COPS7A: variants seen among roughly 807,000 people sequenced by gnomAD.
The protein encoded by COPS7A is COP9 signalosome complex subunit 7a.
A neutral mutation model predicts 35.2 loss-of-function variants in COPS7A; 20 were observed. The ratio of observed to expected loss-of-function variants is 0.57; its 90% CI spans 0.40 to 0.83. The LOEUF is 0.83. Among genes scored for constraint, COPS7A ranks in the 40% least tolerant of loss-of-function variants. The pLI is 0.00. For missense variants in COPS7A, 247 were observed against 347.5 expected, an observed-to-expected ratio of 0.71 and a Z score of 2.30; for synonymous variants, 139 against 141.4, an observed-to-expected ratio of 0.98 and a Z score of 0.12.
In COPS7A at chr12:6,724,133, C is replaced by A. The variant is rs1017308825; in HGVS notation, c.-90C>A. The A allele has an allele frequency of 8.2e-6, 2 of 245,104 alleles. No homozygotes were observed. The highest frequency in any genetic ancestry group is 1.7e-5 in the Non-Finnish European group (2 of 120,810). The allele number at this position is 245,104 out of a possible 1,614,324, so 15.2% of individuals were successfully genotyped here. A position where few individuals can be genotyped will look rare whatever the true frequency, so the allele number is the denominator to read the frequency against. On this transcript the variant is annotated 5_prime_UTR_variant, in exon 1 of 8. It adds an upstream start codon to the 5' untranslated region. Coordinates refer to ENST00000543155, the MANE Select transcript of COPS7A (RefSeq NM_001164094.2). Reference sequence around the variant, plus strand: ...CGGAGCGGCGGCCCCGCCCGGTGCGCTGGAGGTCGAAGCTTCCAGGTAGCG... The same window carrying A: ...CGGAGCGGCGGCCCCGCCCGGTGCGATGGAGGTCGAAGCTTCCAGGTAGCG...
chr12:6,724,913 AT>A, intron 2 of COPS7A, 95 bp downstream of exon 2: 1 of 1,322,274 alleles, frequency 7.6e-7, no homozygotes, highest in East Asian at 2.3e-5. Flanking sequence ...TCCAATAACC[AT>A]TCAGTTGAAC....
In COPS7A at chr12:6,728,274, G is replaced by T. The variant is rs764220895; in HGVS notation, c.290G>T (p.Arg97Leu). The T allele has an allele frequency of 6.2e-7, 1 of 1,614,062 alleles. No homozygotes were observed. The highest frequency in any genetic ancestry group is 1.1e-5 in the South Asian group (1 of 91,052). ...ACAGAGGCTCAGAAGAATAAGCTTC[G>T]ACACCTCTCAGTTGTCACCCTGGCT... is the stretch of plus-strand genomic sequence containing the variant. ...PLTEAQKNKLRHLSVVTLAAK... is the reference protein window; with the variant it reads ...PLTEAQKNKLLHLSVVTLAAK... The change falls in exon 4 of 8, where the codon CGA (arginine) becomes CTA (leucine). Residue 97 changes from arginine (R) to leucine (L), a missense_variant. Transcript: ENST00000543155.
Position 6,729,481 on chromosome 12 carries a change from T to C in COPS7A, c.530+32T>C. 1 of 1,603,590 alleles carries C rather than the reference T, an allele frequency of 6.2e-7. No homozygotes were observed. ...ACCGTATCCTGGCACTGTCCCCTTC[T>C]CACCCTGAGAAAGAGAAAGGCGCTT... is the stretch of plus-strand genomic sequence containing the variant. On this transcript the variant is annotated intron_variant, in intron 5 of 7. Coordinates refer to ENST00000543155, the MANE Select transcript of COPS7A (RefSeq NM_001164094.2). The surrounding 1 kb of genome is among the most constrained non-coding windows in gnomAD (Gnocchi z 4.2).
intron 6 of COPS7A, 26 bp downstream of exon 6, chr12:6,730,533 C>G: frequency 1.9e-6 from 3 of 1,612,834 alleles, no homozygotes; most frequent in Non-Finnish European, 2.5e-6. Flanking sequence ...AGCAGGCAGA[C>G]CCAAACTCCT....
At position 6,730,742 on chromosome 12, in the gene COPS7A, A is replaced by G; in HGVS notation, c.710A>G (p.Gln237Arg). The G allele has an allele frequency of 1.9e-6, 3 of 1,614,188 alleles. No homozygotes were observed. Among genetic ancestry groups the G allele is most frequent in the Non-Finnish European group, 2.5e-6 (3 of 1,180,018 alleles). The change falls in exon 7 of 8, where the codon CAA becomes CGA. Residue 237 changes from glutamine (Q) to arginine (R), a missense_variant. By Grantham distance (43) the Gln-to-Arg change is conservative (BLOSUM62 1). Transcript: ENST00000543155. ...AAAATSQDPE[Q>R]HLTELREPAP... Reference sequence around the variant, plus strand: ...GCAGCCACATCTCAGGACCCTGAGCAACACCTGACTGAGCTGAGGGAACCA... The same window carrying G: ...GCAGCCACATCTCAGGACCCTGAGCGACACCTGACTGAGCTGAGGGAACCA...
intron 2 of COPS7A, among the ~76,000 whole-genome samples, chr12:6,725,119 T>A (rs1229681637): frequency 6.6e-6 from 1 of 152,046 alleles, no homozygotes; most frequent in Non-Finnish European, 1.5e-5. Context: ...TCATGTCACC[T>A]TGATCAGGTC....
chr12:6,727,291 C>G (rs986709317), intron 2 of COPS7A, among the ~76,000 whole-genome samples: 2 of 146,362 alleles, frequency 1.4e-5, no homozygotes, highest in African/African-American at 5.1e-5. Context: ...GAGCCAAGAT[C>G]GCGCCACTGC....
At position 6,729,006 on chromosome 12, in the gene COPS7A, G is replaced by A. The variant is rs1005741338; in HGVS notation, c.328-241G>A. The stretch of plus-strand genomic sequence containing the variant: ...ATTTTCTCCTTCTGTGGTGTGTCAG[G>A]GGTGAGGGTGTTAGGGGAGCATTTT... On this transcript the variant is annotated intron_variant, in intron 4 of 7. Coordinates refer to ENST00000543155, the MANE Select transcript of COPS7A (RefSeq NM_001164094.2). The surrounding 1 kb of genome is among the most constrained non-coding windows in gnomAD (Gnocchi z 4.2). 2.1e-5 allele frequency: 11 copies of A among 514,122 alleles called. No homozygotes were observed. Among genetic ancestry groups the A allele is most frequent in the Non-Finnish European group, 3.5e-5 (10 of 283,438 alleles). 31.8% of individuals were successfully genotyped at this position (514,122 alleles called of 1,614,324 possible). A position where few individuals can be genotyped will look rare whatever the true frequency, so the allele number is the denominator to read the frequency against.
chr12:6,731,036 T>C lies in COPS7A; in HGVS notation c.825T>C (p.Asn275=). 2 of 1,614,102 alleles carry C rather than the reference T, an allele frequency of 1.2e-6. No individual in the cohort carries two copies. Among genetic ancestry groups the C allele is most frequent in the Non-Finnish European group, 8.5e-7 (1 of 1,179,988 alleles). ...GCGCCAAGATTTGGTCCAAGTCGAA[T>C]TGAAAGGACTGTCGTTTCCTCCCTG... is the stretch of plus-strand genomic sequence containing the variant. ...RGSAKIWSKS[N] is the part of the protein sequence containing the mutation. Residue 275 remains asparagine (N), a synonymous_variant, in exon 8 of 8, where the codon AAT becomes AAC. Coordinates refer to ENST00000543155, the MANE Select transcript of COPS7A (RefSeq NM_001164094.2).
rs1941366002 is a variant in COPS7A, at chr12:6,730,527, G to A, written c.636+20G>A. 6.2e-7 allele frequency: 1 copy of A among 1,613,494 alleles called. No homozygotes were observed. The highest frequency in any genetic ancestry group is 1.7e-5 in the Admixed American group (1 of 59,982). On this transcript the variant is annotated intron_variant, in intron 6 of 7. Coordinates refer to ENST00000543155, the MANE Select transcript of COPS7A (RefSeq NM_001164094.2). Reference sequence around the variant, plus strand: ...AGTGAGGTGAGCAGTCAGGGGAGCAGGCAGACCCAAACTCCTCCAGCCTGG... The same window carrying A: ...AGTGAGGTGAGCAGTCAGGGGAGCAAGCAGACCCAAACTCCTCCAGCCTGG...
Position 6,729,514 on chromosome 12 carries a change from A to G in COPS7A, c.530+65A>G, listed in dbSNP as rs941493785. 7 of 1,527,056 alleles carry G rather than the reference A, an allele frequency of 4.6e-6. No individual in the cohort carries two copies. In the African/African-American group the frequency reaches 9.6e-5, roughly 21 times the overall value. The allele number at this position is 1,527,056 out of a possible 1,614,324, so 94.6% of individuals were successfully genotyped here. On this transcript the variant is annotated intron_variant, in intron 5 of 7. Coordinates refer to ENST00000543155, the MANE Select transcript of COPS7A (RefSeq NM_001164094.2). The surrounding 1 kb of genome is among the most constrained non-coding windows in gnomAD (Gnocchi z 4.2). Reference sequence around the variant, plus strand: ...AGAAAGAGAAAGGCGCTTCAGGGTGAGAGAGGGCAGGAGCTGGGCTGGTCC... The same window carrying G: ...AGAAAGAGAAAGGCGCTTCAGGGTGGGAGAGGGCAGGAGCTGGGCTGGTCC...
chr12:6,728,523 T>C lies in COPS7A; in HGVS notation c.327+212T>C, dbSNP rs555857129. Among the ~76,000 whole-genome samples, 3 of 152,362 alleles carry C rather than the reference T, an allele frequency of 2.0e-5. No individual in the cohort carries two copies. In the South Asian group the frequency reaches 6.2e-4, roughly 32 times the overall value. ...TTTTTTAATCAACTTAAGTTCTAAA[T>C]AAACATCTTCTGTGGTTTTGGTCAA... On this transcript the variant is annotated intron_variant, in intron 4 of 7. Coordinates refer to ENST00000543155, the MANE Select transcript of COPS7A (RefSeq NM_001164094.2).
rs1414722886 is a variant in COPS7A at position 6,728,371 on chromosome 12, C to T, written c.327+60C>T. Reference sequence around the variant, plus strand: ...CATCCTTTTGTATGTCCTTGGGAGTCCACACTAGGACAGCCCTTGTCTAGA... The same window carrying T: ...CATCCTTTTGTATGTCCTTGGGAGTTCACACTAGGACAGCCCTTGTCTAGA... On this transcript the variant is annotated intron_variant, in intron 4 of 7. Coordinates refer to ENST00000543155, the MANE Select transcript of COPS7A (RefSeq NM_001164094.2). 4 of 1,426,752 alleles carry T rather than the reference C, an allele frequency of 2.8e-6. No homozygotes were observed. In the African/African-American group the frequency reaches 5.6e-5, roughly 20 times the overall value. The allele number at this position is 1,426,752 out of a possible 1,614,324, so 88.4% of individuals were successfully genotyped here. A position where few individuals can be genotyped will look rare whatever the true frequency, so the allele number is the denominator to read the frequency against.
rs1941325009 is a variant in COPS7A, at chr12:6,729,076, T to C, written c.328-171T>C. The stretch of plus-strand genomic sequence containing the variant: ...CCTTCTAATGATGCTGTTTTTGAAG[T>C]GGGAATACTTTTATTTATTTTGCTT... On this transcript the variant is annotated intron_variant, in intron 4 of 7. Coordinates refer to ENST00000543155, the MANE Select transcript of COPS7A (RefSeq NM_001164094.2). The surrounding 1 kb of genome is among the most constrained non-coding windows in gnomAD (Gnocchi z 4.2). 3 of 622,660 alleles carry C rather than the reference T, an allele frequency of 4.8e-6. No individual in the cohort carries two copies. The highest frequency in any genetic ancestry group is 8.5e-6 in the Non-Finnish European group (3 of 354,398). The allele number at this position is 622,660 out of a possible 1,614,324, so 38.6% of individuals were successfully genotyped here. A position where few individuals can be genotyped will look rare whatever the true frequency, so the allele number is the denominator to read the frequency against.
intron 2 of COPS7A, among the ~76,000 whole-genome samples, chr12:6,725,157 C>CTTTTT (rs60514531): frequency 7.2e-6 from 1 of 139,558 alleles, no homozygotes. Context: ...TCAGCTTTCT[C>CTTTTT]TTTTTTTTTT....
At chr12:6,725,771 CTG>C (rs1340179242) in intron 2 of COPS7A, 7 of 456,008 alleles carry the variant, frequency 1.5e-5, no homozygotes, top group Non-Finnish European at 3.1e-5. Context: ...TGTGGGTAAA[CTG>C]AGCTAAGTTA....
intron 2 of COPS7A, chr12:6,725,738 G>A (rs2137746308): frequency 2.2e-6 from 1 of 456,114 alleles, no homozygotes. Flanking sequence ...GGCAGCCTGA[G>A]TCCTGACATG....
In COPS7A at chr12:6,729,233, C is replaced by A. The variant is rs752226374; in HGVS notation, c.328-14C>A. The stretch of plus-strand genomic sequence containing the variant: ...GGAGCGTCACAAATCCTGGCCTGAT[C>A]TCCGCGGCCCCAGTGTATCCCATAT... On this transcript the variant is annotated splice_polypyrimidine_tract_variant and intron_variant, in intron 4 of 7. Coordinates refer to ENST00000543155, the MANE Select transcript of COPS7A (RefSeq NM_001164094.2). The surrounding 1 kb of genome is among the most constrained non-coding windows in gnomAD (Gnocchi z 4.2). 9.9e-6 allele frequency: 16 copies of A among 1,613,990 alleles called. No homozygotes were observed. Among genetic ancestry groups the A allele is most frequent in the Non-Finnish European group, 1.4e-5 (16 of 1,179,918 alleles).
intron 2 of COPS7A, chr12:6,727,672 G>A: frequency 1.6e-6 from 1 of 625,900 alleles, no homozygotes; most frequent in Non-Finnish European, 3.0e-6. Context: ...TGAATTTAGG[G>A]TAGGAATTGG....
Sources: allele counts gnomAD v4.1 joint callset (sites outside exome capture counted in the v4.1 genomes callset), GRCh38; gene constraint gnomAD v4.1.1; non-coding constraint Gnocchi (gnomAD v3.1); transcripts MANE v1.5; gene names NCBI Gene and HGNC (gene_info 2026-07-23, HGNC 2026-07-21).